Variants in AK5 observed in about 807,000 individuals in gnomAD.
AK5 encodes the protein adenylate kinase isoenzyme 5.
AK5 carries 27 observed loss-of-function variants against 69.5 expected under a neutral mutation model. The observed-to-expected ratio is 0.39, with a 90% CI of 0.29 to 0.54. The LOEUF (loss-of-function observed/expected upper bound fraction) is 0.54, where lower values mean the gene tolerates loss of function less well. Ranked by LOEUF, AK5 falls within the 20% of genes least tolerant of loss-of-function variation. The probability of loss-of-function intolerance (pLI) is 0.71; values close to 1 mark genes in which losing one functional copy is unlikely to be tolerated. For missense variants in AK5, 531 were observed against 700.4 expected, an observed-to-expected ratio of 0.76 and a Z score of 2.73; for synonymous variants, 260 against 244.4, an observed-to-expected ratio of 1.06 and a Z score of -0.60.
In AK5 at chr1:77,282,294, A is replaced by C; in HGVS notation, c.-20A>C. 6.5e-7 allele frequency: 1 copy of C among 1,545,976 alleles called. No individual in the cohort carries two copies. Among genetic ancestry groups the C allele is most frequent in the Non-Finnish European group, 8.7e-7 (1 of 1,145,130 alleles). On this transcript the variant is annotated 5_prime_UTR_variant, in exon 1 of 14. Transcript: ENST00000354567. ...CCGGGAGCCTCCCCGCTTGCGCCCCAAGGCACGCGCGGCACAGCCATGAAC... is the reference window on the plus strand; with the variant it reads ...CCGGGAGCCTCCCCGCTTGCGCCCCCAGGCACGCGCGGCACAGCCATGAAC...
At chr1:77,472,662 C>A (rs765042000) in intron 8 of AK5, among the ~76,000 whole-genome samples, 1 of 150,628 alleles carries the variant, frequency 6.6e-6, no homozygotes, top group Non-Finnish European at 1.5e-5. Flanking sequence ...GCAGGTGGAT[C>A]GCTTGAGCTC....
At chr1:77,370,455 A>G (rs754480749) in intron 6 of AK5, among the ~76,000 whole-genome samples, 10 of 152,150 alleles carry the variant, frequency 6.6e-5, no homozygotes, top group Non-Finnish European at 1.3e-4. Flanking sequence ...ACTTGGGGGG[A>G]CTTGGATCAC....
intron 8 of AK5, among the ~76,000 whole-genome samples, chr1:77,469,769 A>G (rs1654351524): frequency 6.6e-6 from 1 of 152,214 alleles, no homozygotes; most frequent in Non-Finnish European, 1.5e-5. Flanking sequence ...GGAAGCATGC[A>G]GGATACTTGA....
At chr1:77,533,531 A>AC (rs1658782369) in intron 12 of AK5, among the ~76,000 whole-genome samples, 1 of 125,794 alleles carries the variant, frequency 7.9e-6, no homozygotes, top group African/African-American at 2.7e-5. Context: ...AAAAAAAAAA[A>AC]AAAACAGATT....
intron 6 of AK5, among the ~76,000 whole-genome samples, chr1:77,361,902 A>G (rs1392877421): frequency 6.6e-6 from 1 of 152,126 alleles, no homozygotes. Flanking sequence ...TGGGAGTTAC[A>G]ATTCCAGGTG....
chr1:77,292,251 T>A (rs1357060995), intron 2 of AK5, among the ~76,000 whole-genome samples: 1 of 152,220 alleles, frequency 6.6e-6, no homozygotes, highest in Non-Finnish European at 1.5e-5. Flanking sequence ...CAAGGCAGAA[T>A]AGGATACTGT....
rs556143949 is a variant in AK5 at position 77,460,273 on chromosome 1, C to A, written c.1060-23044C>A. ...GATTATATTATTGCTAGCTTCATTACAAAAGATGAATCAAATGAAGAGCAT... is the reference window on the plus strand; with the variant it reads ...GATTATATTATTGCTAGCTTCATTAAAAAAGATGAATCAAATGAAGAGCAT... On this transcript the variant is annotated intron_variant, in intron 8 of 13. Coordinates refer to ENST00000354567, the MANE Select transcript of AK5 (RefSeq NM_174858.3). Among the ~76,000 whole-genome samples, 10 of 152,234 alleles carry A rather than the reference C, an allele frequency of 6.6e-5. No homozygotes were observed. The East Asian group carries it at 1.9e-3, about 29-fold the overall frequency.
At chr1:77,543,849 C>A (rs954448618) in intron 13 of AK5, among the ~76,000 whole-genome samples, 5 of 152,104 alleles carry the variant, frequency 3.3e-5, no homozygotes, top group African/African-American at 1.2e-4. Context: ...TTTTCCATCT[C>A]CGGTTAGTTG....
intron 6 of AK5, among the ~76,000 whole-genome samples, chr1:77,396,932 G>A (rs920953556): frequency 6.6e-6 from 1 of 152,196 alleles, no homozygotes; most frequent in African/African-American, 2.4e-5. Flanking sequence ...TTAATAAATG[G>A]TAACTCGTGC....
chr1:77,291,139 G>C (rs571774460), intron 2 of AK5, among the ~76,000 whole-genome samples: 1 of 152,302 alleles, frequency 6.6e-6, no homozygotes, highest in Non-Finnish European at 1.5e-5. Flanking sequence ...ATTTGGTCAG[G>C]AATGAGAGAA....
At chr1:77,509,283 T>G (rs1202947497) in intron 10 of AK5, among the ~76,000 whole-genome samples, 3 of 152,232 alleles carry the variant, frequency 2.0e-5, no homozygotes, top group Non-Finnish European at 4.4e-5. Flanking sequence ...CTGGCATATT[T>G]CCACATATTC....
At chr1:77,484,444 G>C (rs940044204) in intron 9 of AK5, among the ~76,000 whole-genome samples, 6 of 152,196 alleles carry the variant, frequency 3.9e-5, no homozygotes, top group Admixed American at 1.3e-4. Context: ...ATGAGCACAA[G>C]GTGGTGGGTA....
chr1:77,468,386 T>TCCCTA lies in AK5; in HGVS notation c.1060-14929_1060-14925dup, dbSNP rs547852291. Among the ~76,000 whole-genome samples, 562 of 152,308 alleles carry TCCCTA rather than the reference T, an allele frequency of 3.7e-3. 5 individuals carry two copies. Among genetic ancestry groups the TCCCTA allele is most frequent in the African/African-American group, 0.013 (537 of 41,574 alleles). ...CACACAGGTTGGTAACTGGATTCAGTCCCTACTCAGCTCCTTAGCCAGGAA... is the reference window on the plus strand; with the variant it reads ...CACACAGGTTGGTAACTGGATTCAGTCCCTACCCTACTCAGCTCCTTAGCCAGGAA... On this transcript the variant is annotated intron_variant, in intron 8 of 13. Coordinates refer to ENST00000354567, the MANE Select transcript of AK5 (RefSeq NM_174858.3).
At chr1:77,284,997 C>G (rs1450487598) in intron 1 of AK5, among the ~76,000 whole-genome samples, 1 of 152,118 alleles carries the variant, frequency 6.6e-6, no homozygotes, top group African/African-American at 2.4e-5. Flanking sequence ...CTCATGTTTT[C>G]TTTTATCTCA....
At chr1:77,348,033 T>C (rs1465487932) in intron 6 of AK5, among the ~76,000 whole-genome samples, 1 of 152,198 alleles carries the variant, frequency 6.6e-6, no homozygotes, top group East Asian at 1.9e-4. Flanking sequence ...CAATATTTTA[T>C]TGTGATGTTT....
intron 1 of AK5, chr1:77,283,465 A>T: frequency 1.0e-6 from 1 of 985,392 alleles, no homozygotes; most frequent in Non-Finnish European, 1.2e-6. Context: ...GTTCTGTTAA[A>T]AGGAATTTTA....
At chr1:77,475,195 A>ATATGTG (rs1182380859) in intron 8 of AK5, among the ~76,000 whole-genome samples, 388 of 29,068 alleles carry the variant, frequency 0.013, 2 homozygotes, top group African/African-American at 0.056. Flanking sequence ...ATATATATAT[A>ATATGTG]TGTGTGTGTG....
chr1:77,433,861 T>C (rs1651794703), intron 8 of AK5, among the ~76,000 whole-genome samples: 1 of 151,854 alleles, frequency 6.6e-6, no homozygotes, highest in Non-Finnish European at 1.5e-5. Flanking sequence ...ATAAATTTAT[T>C]AGTTTCTTCA....
chr1:77,330,510 A>G (rs1661034606), intron 5 of AK5, among the ~76,000 whole-genome samples: 1 of 152,142 alleles, frequency 6.6e-6, no homozygotes, highest in African/African-American at 2.4e-5. Context: ...CCTTTTCCCT[A>G]CTGCATTGCA....
Sources: allele counts gnomAD v4.1 joint callset (sites outside exome capture counted in the v4.1 genomes callset), GRCh38; gene constraint gnomAD v4.1.1; transcripts MANE v1.5; gene names NCBI Gene and HGNC (gene_info 2026-07-23, HGNC 2026-07-21).